The following ADAM18 variants were observed in gnomAD, a reference collection of about 807,000 sequenced individuals.
The protein encoded by ADAM18 is ADAM metallopeptidase domain 18, also known as disintegrin and metalloproteinase domain-containing protein 18.
A neutral mutation model predicts 94.4 loss-of-function variants in ADAM18; 117 were observed. The observed-to-expected ratio is 1.24, with a 90% CI of 1.07 to 1.45. The LOEUF (loss-of-function observed/expected upper bound fraction) is 1.45. Ranked by LOEUF, ADAM18 falls within the 40% of genes most tolerant of loss-of-function variation. The pLI is 0.00. For synonymous variants in ADAM18, 327 were observed against 291.6 expected (o/e 1.12, Z -1.24); for missense variants, 936 against 880.0 (o/e 1.06, Z -0.81).
intron 18 of ADAM18, among the ~76,000 whole-genome samples, chr8:39,717,209 TA>T (rs1236332015): frequency 1.3e-5 from 2 of 151,788 alleles, no homozygotes; most frequent in African/African-American, 4.8e-5. Flanking sequence ...CTCAATCACA[TA>T]AAAAAACTAC....
At chr8:39,611,242 C>A in intron 6 of ADAM18, 1 of 518,492 alleles carries the variant, frequency 1.9e-6, no homozygotes, top group Non-Finnish European at 2.5e-6. Flanking sequence ...ATTCCTTGGA[C>A]AAAATGAGTT....
At chr8:39,712,120 A>G (rs972654727) in intron 18 of ADAM18, among the ~76,000 whole-genome samples, 10 of 150,112 alleles carry the variant, frequency 6.7e-5, no homozygotes, top group African/African-American at 2.2e-4. Context: ...AAAACAATAG[A>G]TATTAATTCA....
intron 2 of ADAM18, 86 bp from the exon 3 acceptor site, chr8:39,606,221 C>T (rs1162084879): frequency 4.3e-6 from 3 of 698,016 alleles, no homozygotes; most frequent in African/African-American, 1.9e-5. Flanking sequence ...AATAGATAGA[C>T]TCTTTTTATT....
At chr8:39,622,479 C>G (rs1819642589) in intron 6 of ADAM18, among the ~76,000 whole-genome samples, 2 of 151,290 alleles carry the variant, frequency 1.3e-5, no homozygotes. Context: ...AGAAATATAG[C>G]ATTAGAAGGA....
chr8:39,625,521 C>G (rs1380542606), intron 6 of ADAM18, among the ~76,000 whole-genome samples: 2 of 151,992 alleles, frequency 1.3e-5, no homozygotes, highest in African/African-American at 4.8e-5. Flanking sequence ...ATTTGGATTT[C>G]CTTTATTTAT....
At chr8:39,608,226 C>T (rs542237459) in intron 3 of ADAM18, among the ~76,000 whole-genome samples, 7 of 152,080 alleles carry the variant, frequency 4.6e-5, no homozygotes, top group African/African-American at 1.7e-4. Flanking sequence ...CAGAATTAGA[C>T]CTACCCCACT....
chr8:39,612,088 G>T lies in ADAM18; in HGVS notation c.522+1382G>T, dbSNP rs192665672. Among the ~76,000 whole-genome samples, 4 of 151,328 alleles carry T rather than the reference G, an allele frequency of 2.6e-5. No individual in the cohort carries two copies. The East Asian group carries it at 7.8e-4, about 30-fold the overall frequency. On this transcript the variant is annotated intron_variant, in intron 6 of 19. Coordinates refer to ENST00000265707, the MANE Select transcript of ADAM18 (RefSeq NM_014237.3). ...ATAAACAATTACCTTGAATGTAAAT[G>T]AATTATACTATCCAGCTAAAAGAAA... is the stretch of plus-strand genomic sequence containing the variant.
chr8:39,630,929 A>C (rs1194845133), intron 7 of ADAM18, among the ~76,000 whole-genome samples: 1 of 152,026 alleles, frequency 6.6e-6, no homozygotes. Flanking sequence ...ATTTTAGTGG[A>C]TATATAGTGA....
intron 6 of ADAM18, among the ~76,000 whole-genome samples, chr8:39,618,598 C>A (rs567825824): frequency 1.3e-5 from 2 of 152,188 alleles, no homozygotes; most frequent in African/African-American, 2.4e-5. Flanking sequence ...AGAAACACGA[C>A]GTGAAGCTAG....
At chr8:39,611,085 A>C (rs1819259899) in intron 6 of ADAM18, 2 of 1,000,936 alleles carry the variant, frequency 2.0e-6, no homozygotes, top group African/African-American at 1.7e-5. Flanking sequence ...AGCCATTTGC[A>C]TGTTGCCAGA....
At chr8:39,680,791 T>C (rs139007610) in intron 16 of ADAM18, among the ~76,000 whole-genome samples, 1 of 152,226 alleles carries the variant, frequency 6.6e-6, no homozygotes, top group Non-Finnish European at 1.5e-5. Flanking sequence ...AGGGCACATG[T>C]TCCAGAAAAC....
At chr8:39,624,077 A>G (rs982296117) in intron 6 of ADAM18, among the ~76,000 whole-genome samples, 7 of 152,146 alleles carry the variant, frequency 4.6e-5, no homozygotes, top group Middle Eastern at 3.4e-3. Flanking sequence ...TGCATGGTTT[A>G]CAAATATTTT....
chr8:39,610,880 T>C (rs1389043062), intron 6 of ADAM18, 174 bp downstream of exon 6: 2 of 1,267,170 alleles, frequency 1.6e-6, no homozygotes, highest in Non-Finnish European at 2.0e-6. Flanking sequence ...AAGTTACATA[T>C]TTCAAGCTTA....
At chr8:39,597,450 G>A (rs1818773793) in intron 2 of ADAM18, among the ~76,000 whole-genome samples, 1 of 152,060 alleles carries the variant, frequency 6.6e-6, no homozygotes, top group Admixed American at 6.6e-5. Flanking sequence ...CAATTTTGGT[G>A]AACTATTATG....
In ADAM18 at chr8:39,617,573, A is replaced by G. The variant is rs115693881; in HGVS notation, c.522+6867A>G. On this transcript the variant is annotated intron_variant, in intron 6 of 19. Transcript: ENST00000265707. ...CATAGTACTATTCACAGTAGCAAAG[A>G]CATAGTATCAATCTAGATGTCCATC... Among the ~76,000 whole-genome samples the G allele has an allele frequency of 4.3e-3, 651 of 152,328 alleles. 1 individual carries two copies. Among genetic ancestry groups the G allele is most frequent in the African/African-American group, 0.015 (619 of 41,578 alleles).
chr8:39,669,119 G>A (rs1455515061), intron 14 of ADAM18, among the ~76,000 whole-genome samples: 1 of 151,028 alleles, frequency 6.6e-6, no homozygotes, highest in Non-Finnish European at 1.5e-5. Flanking sequence ...TTTTTAAGCA[G>A]GGTTTAAAAT....
intron 19 of ADAM18, 85 bp from the exon 20 acceptor site, chr8:39,729,813 A>C (rs1343631379): frequency 1.9e-6 from 2 of 1,052,380 alleles, no homozygotes; most frequent in Non-Finnish European, 2.9e-6. Flanking sequence ...GTAGAAATTC[A>C]GTAGTAAATA....
At chr8:39,681,122 T>A (rs1821444724) in intron 16 of ADAM18, among the ~76,000 whole-genome samples, 3 of 152,192 alleles carry the variant, frequency 2.0e-5, no homozygotes, top group Admixed American at 2.0e-4. Context: ...GTCACAAGAT[T>A]AGAGGCTAGA....
At chr8:39,718,814 T>C (rs909642118) in intron 18 of ADAM18, among the ~76,000 whole-genome samples, 1 of 151,494 alleles carries the variant, frequency 6.6e-6, no homozygotes, top group African/African-American at 2.4e-5. Context: ...CACTGGAAAC[T>C]CCAAGTCATT....
Sources: gnomAD v4.1 joint callset for allele counts (sites outside exome capture counted in the v4.1 genomes callset) on GRCh38, gnomAD v4.1.1 for gene constraint, MANE v1.5 for transcripts, NCBI Gene and HGNC (gene_info 2026-07-23, HGNC 2026-07-21) for gene names.